The following GFRA2 variants were observed in gnomAD, a reference collection of about 807,000 sequenced individuals.
The protein encoded by GFRA2 is GDNF family receptor alpha-2.
GFRA2 carries 17 observed loss-of-function variants against 48.3 expected under a neutral mutation model. That is an observed-to-expected ratio of 0.35 (90% CI 0.24 to 0.53). The LOEUF is 0.53. Ranked by LOEUF, GFRA2 falls within the 20% of genes least tolerant of loss-of-function variation. The pLI, the probability that GFRA2 is intolerant of heterozygous loss-of-function variation, is 0.93. For missense variants in GFRA2, 660 were observed against 637.3 expected, an observed-to-expected ratio of 1.04 and a Z score of -0.38; for synonymous variants, 305 against 257.2, an observed-to-expected ratio of 1.19 and a Z score of -1.78.
intron 7 of GFRA2, among the ~76,000 whole-genome samples, chr8:21,697,470 C>A (rs1033735510): frequency 2.0e-5 from 3 of 152,126 alleles, no homozygotes; most frequent in East Asian, 1.9e-4. Flanking sequence ...CCAGGGGCAA[C>A]AGGGCCCTTG....
At chr8:21,780,838 A>AGGGCCGG (rs1806948482) in intron 2 of GFRA2, 2 of 152,240 alleles carry the variant, frequency 1.3e-5, no homozygotes, top group Admixed American at 6.5e-5. Context: ...TAGCTCTCAG[A>AGGGCCGG]GGGCCGGGGG....
intron 3 of GFRA2, among the ~76,000 whole-genome samples, chr8:21,752,194 T>C (rs1046320075): frequency 4.6e-5 from 7 of 152,046 alleles, no homozygotes; most frequent in African/African-American, 1.5e-4. Flanking sequence ...AAAGACCTCC[T>C]CGTGACCACA....
intron 4 of GFRA2, among the ~76,000 whole-genome samples, chr8:21,709,907 T>C (rs1389503005): frequency 6.6e-6 from 1 of 152,220 alleles, no homozygotes; most frequent in Non-Finnish European, 1.5e-5. Flanking sequence ...TGGCTTCCTG[T>C]TCCTTTGCCC....
chr8:21,736,615 C>T lies in GFRA2; in HGVS notation c.794+13973G>A, dbSNP rs1433537381. ...GGTCCAAGCGATCCTTCCATCTCAG[C>T]CTCTCAAGTGGCTGGGACTAGAGGC... is the stretch of plus-strand genomic sequence containing the variant. On this transcript the variant is annotated intron_variant, in intron 4 of 8. Transcript: ENST00000524240. Among the ~76,000 whole-genome samples, 5 of 152,036 alleles carry T rather than the reference C, an allele frequency of 3.3e-5. No homozygotes were observed. The East Asian group carries it at 9.7e-4, about 29-fold the overall frequency.
chr8:21,793,802 C>G (rs1807620123), upstream of GFRA2, among the ~76,000 whole-genome samples: 1 of 151,928 alleles, frequency 6.6e-6, no homozygotes, highest in Non-Finnish European at 1.5e-5. Context: ...TTCACAACAC[C>G]TAAGATATCC....
rs371415005 is a variant in GFRA2, at chr8:21,754,854, T to C, written c.440-3912A>G. ...AGAAAGAGAAAAGTGCCCTCTCTTC[T>C]TGTTATAAAAATAAAAGAGGGGAGG... is the stretch of plus-strand genomic sequence containing the variant. On this transcript the variant is annotated intron_variant, in intron 3 of 8. Coordinates refer to ENST00000524240, the MANE Select transcript of GFRA2 (RefSeq NM_001495.5). Among the ~76,000 whole-genome samples, 22 of 152,272 alleles carry C rather than the reference T, an allele frequency of 1.4e-4. 1 individual carries two copies. Among genetic ancestry groups the C allele is most frequent in the South Asian group, 1.0e-3 (5 of 4,810 alleles).
At chr8:21,807,723 T>C (rs748711170) in intron 1 of GFRA2, among the ~76,000 whole-genome samples, 9 of 152,054 alleles carry the variant, frequency 5.9e-5, no homozygotes, top group Non-Finnish European at 7.4e-5. Flanking sequence ...AGAGAAAACA[T>C]AGAAGAAGAT....
intron 4 of GFRA2, among the ~76,000 whole-genome samples, chr8:21,717,063 A>G (rs946881895): frequency 2.6e-5 from 4 of 152,200 alleles, no homozygotes; most frequent in Non-Finnish European, 4.4e-5. Context: ...AGCTTACTTT[A>G]TCTTCCTTCA....
intron 3 of GFRA2, among the ~76,000 whole-genome samples, chr8:21,758,975 A>G (rs948678822): frequency 1.3e-5 from 2 of 152,302 alleles, no homozygotes; most frequent in East Asian, 3.9e-4. Context: ...CCAGTCAACA[A>G]ATATTTTCAT....
intron 2 of GFRA2, among the ~76,000 whole-genome samples, chr8:21,777,096 A>G (rs2117717252): frequency 6.6e-6 from 1 of 152,298 alleles, no homozygotes; most frequent in South Asian, 2.1e-4. Context: ...TTTGACTGAT[A>G]AGGAGGAACA....
At chr8:21,758,218 C>T (rs1805681268) in intron 3 of GFRA2, among the ~76,000 whole-genome samples, 1 of 152,092 alleles carries the variant, frequency 6.6e-6, no homozygotes, top group Non-Finnish European at 1.5e-5. Context: ...CACACACACA[C>T]ACACACACAC....
intron 4 of GFRA2, among the ~76,000 whole-genome samples, chr8:21,744,149 C>T (rs1348308412): frequency 1.3e-5 from 2 of 152,152 alleles, no homozygotes; most frequent in South Asian, 2.1e-4. Flanking sequence ...CAGACCTGTC[C>T]ATCCACACTG....
At chr8:21,722,187 T>C (rs1397145878) in intron 4 of GFRA2, among the ~76,000 whole-genome samples, 2 of 152,164 alleles carry the variant, frequency 1.3e-5, no homozygotes, top group East Asian at 3.9e-4. Flanking sequence ...TAGCCAGTGC[T>C]TTTCCCCCTC....
At chr8:21,738,725 G>A (rs902211258) in intron 4 of GFRA2, among the ~76,000 whole-genome samples, 3 of 152,098 alleles carry the variant, frequency 2.0e-5, no homozygotes, top group African/African-American at 7.2e-5. Context: ...TTCAAACCCA[G>A]CTTAGACATC....
chr8:21,792,886 G>GAA (rs1436953439), upstream of GFRA2, among the ~76,000 whole-genome samples: 1 of 152,002 alleles, frequency 6.6e-6, no homozygotes, highest in Admixed American at 6.6e-5. Context: ...CCAACATGGT[G>GAA]AAACCCCGTT....
intron 1 of GFRA2, among the ~76,000 whole-genome samples, chr8:21,807,001 C>T (rs936981740): frequency 6.6e-6 from 1 of 152,150 alleles, no homozygotes; most frequent in African/African-American, 2.4e-5. Flanking sequence ...CTTTCTCATT[C>T]ATCCTTGTAT....
chr8:21,727,131 T>C, intron 4 of GFRA2, among the ~76,000 whole-genome samples: 1 of 152,200 alleles, frequency 6.6e-6, no homozygotes, highest in Non-Finnish European at 1.5e-5. Context: ...TTCAACCCAC[T>C]ACACTCATCA....
chr8:21,707,457 C>T (rs1420431669), intron 4 of GFRA2, among the ~76,000 whole-genome samples: 3 of 152,182 alleles, frequency 2.0e-5, no homozygotes, highest in African/African-American at 7.2e-5. Context: ...AGGGGGCCCC[C>T]ACCATGCAGA....
chr8:21,710,843 G>A (rs73219513), intron 4 of GFRA2, among the ~76,000 whole-genome samples: 12 of 152,308 alleles, frequency 7.9e-5, no homozygotes, highest in African/African-American at 2.6e-4. Context: ...CATCCTCAGC[G>A]TCCAGCAGCC....
Sources: allele counts gnomAD v4.1 joint callset (sites outside exome capture counted in the v4.1 genomes callset), GRCh38; gene constraint gnomAD v4.1.1; transcripts MANE v1.5; gene names NCBI Gene and HGNC (gene_info 2026-07-23, HGNC 2026-07-21).